Variants in HPGDS observed in about 807,000 individuals in gnomAD.
The protein encoded by HPGDS is hematopoietic prostaglandin D synthase.
In HPGDS, 26 loss-of-function variants were observed where a neutral mutation model predicts 23.1. The ratio of observed to expected loss-of-function variants is 1.13; its 90% CI spans 0.83 to 1.56. HPGDS has a LOEUF of 1.56. HPGDS is among the 40% of genes most tolerant of loss of function. The pLI, the probability that HPGDS is intolerant of heterozygous loss-of-function variation, is 0.00. For synonymous variants in HPGDS, 95 were observed against 77.9 expected, an observed-to-expected ratio of 1.22 and a Z score of -1.16; for missense variants, 268 against 236.4, an observed-to-expected ratio of 1.13 and a Z score of -0.88.
At chr4:94,318,838 G>A (rs1756448498) in intron 2 of HPGDS, among the ~76,000 whole-genome samples, 1 of 152,036 alleles carries the variant, frequency 6.6e-6, no homozygotes, top group South Asian at 2.1e-4. Context: ...TCAGCCTCCT[G>A]AGTAGCCAGG....
At chr4:94,328,034 A>C (rs755897146) in intron 2 of HPGDS, among the ~76,000 whole-genome samples, 8 of 152,188 alleles carry the variant, frequency 5.3e-5, no homozygotes, top group Non-Finnish European at 1.2e-4. Context: ...GGCACTCCCT[A>C]TCCTAGTCTC....
intron 1 of HPGDS, among the ~76,000 whole-genome samples, chr4:94,337,858 AAGAC>A (rs1035612358): frequency 6.6e-6 from 1 of 152,220 alleles, no homozygotes; most frequent in Non-Finnish European, 1.5e-5. Context: ...TCAAGTAAAG[AAGAC>A]ATTTAAAAAT....
chr4:94,314,451 G>A (rs1756350921), intron 3 of HPGDS, among the ~76,000 whole-genome samples: 1 of 152,196 alleles, frequency 6.6e-6, no homozygotes, highest in African/African-American at 2.4e-5. Flanking sequence ...CTGCAGAACA[G>A]CAAATATTGG....
In HPGDS at chr4:94,334,624, T is replaced by C. The variant is rs1406229119; in HGVS notation, c.6A>G (p.Pro2=). 4 of 1,612,658 alleles carry C rather than the reference T, an allele frequency of 2.5e-6. No homozygotes were observed. The highest frequency in any genetic ancestry group is 3.4e-6 in the Non-Finnish European group (4 of 1,179,608). M[P]NYKLTYFNMR... ...TATTAAAATAAGTGAGTTTGTAGTTTGGCATGGTGCAATTCTGGAAAAAGA... is the reference window on the plus strand; with the variant it reads ...TATTAAAATAAGTGAGTTTGTAGTTCGGCATGGTGCAATTCTGGAAAAAGA... The change falls in exon 2 of 6, where the codon CCA becomes CCG. Residue 2 remains proline (P), a synonymous_variant. Transcript: ENST00000295256.
At chr4:94,314,190 G>A (rs146260777) in intron 3 of HPGDS, among the ~76,000 whole-genome samples, 1,740 of 152,278 alleles carry the variant, frequency 0.011, 33 homozygotes, top group African/African-American at 0.039. Context: ...GAGGAGCTGC[G>A]TTCCTTTGGA....
intron 3 of HPGDS, 36 bp from the exon 4 acceptor site, chr4:94,308,779 T>G (rs1579428854): frequency 8.9e-7 from 1 of 1,122,174 alleles, no homozygotes; most frequent in African/African-American, 1.5e-5. Context: ...ATATGTTTAA[T>G]TTACTATATT....
chr4:94,310,312 G>T (rs985907336), intron 3 of HPGDS, among the ~76,000 whole-genome samples: 3 of 152,132 alleles, frequency 2.0e-5, no homozygotes, highest in Admixed American at 6.6e-5. Flanking sequence ...TTTGTATAAG[G>T]TGTAAGGAAG....
intron 2 of HPGDS, among the ~76,000 whole-genome samples, chr4:94,322,656 C>T (rs1012692158): frequency 6.6e-6 from 1 of 151,876 alleles, no homozygotes; most frequent in Admixed American, 6.6e-5. Context: ...TCTCTCTTTT[C>T]TTCTTTATTA....
At chr4:94,300,835 G>A (rs766139882) in intron 5 of HPGDS, among the ~76,000 whole-genome samples, 9 of 152,286 alleles carry the variant, frequency 5.9e-5, no homozygotes, top group South Asian at 4.1e-4. Context: ...AAGACCTGCA[G>A]TGAGCAATCT....
At chr4:94,311,456 G>A (rs985164773) in intron 3 of HPGDS, among the ~76,000 whole-genome samples, 1 of 151,290 alleles carries the variant, frequency 6.6e-6, no homozygotes, top group Non-Finnish European at 1.5e-5. Flanking sequence ...ATTTGCATAT[G>A]TTGAACCAGC....
At chr4:94,321,229 T>C (rs556686306) in intron 2 of HPGDS, among the ~76,000 whole-genome samples, 14 of 152,344 alleles carry the variant, frequency 9.2e-5, no homozygotes, top group South Asian at 4.1e-4. Flanking sequence ...TTGCTTAGGA[T>C]TGACTTGGCA....
At chr4:94,329,918 G>A (rs1756705799) in intron 2 of HPGDS, among the ~76,000 whole-genome samples, 1 of 152,224 alleles carries the variant, frequency 6.6e-6, no homozygotes, top group Non-Finnish European at 1.5e-5. Flanking sequence ...TCAATGTGAT[G>A]TGGCTGGCAA....
intron 3 of HPGDS, among the ~76,000 whole-genome samples, chr4:94,311,203 C>G (rs2126037584): frequency 6.6e-6 from 1 of 152,230 alleles, no homozygotes; most frequent in East Asian, 1.9e-4. Context: ...GAGGGCATCC[C>G]TGTCTTGTGC....
intron 1 of HPGDS, among the ~76,000 whole-genome samples, chr4:94,338,583 G>C (rs541405882): frequency 6.6e-6 from 1 of 152,136 alleles, no homozygotes; most frequent in South Asian, 2.1e-4. Context: ...AGCAATAGAA[G>C]AATACTTCCT....
At chr4:94,338,820 A>C (rs1721073995) in intron 1 of HPGDS, among the ~76,000 whole-genome samples, 1 of 152,224 alleles carries the variant, frequency 6.6e-6, no homozygotes, top group Non-Finnish European at 1.5e-5. Context: ...TGCTGTGTCC[A>C]AAATGATTGT....
chr4:94,324,532 T>G (rs189411229), intron 2 of HPGDS, among the ~76,000 whole-genome samples: 58 of 150,940 alleles, frequency 3.8e-4, no homozygotes, highest in Non-Finnish European at 7.2e-4. Flanking sequence ...TGATACCCTT[T>G]CTTCCACTTG....
chr4:94,339,028 T>C (rs946614644), intron 1 of HPGDS, among the ~76,000 whole-genome samples: 20 of 152,144 alleles, frequency 1.3e-4, no homozygotes, highest in African/African-American at 4.8e-4. Context: ...AAACAGAACC[T>C]CATATATAGG....
intron 5 of HPGDS, 41 bp downstream of exon 5, chr4:94,302,105 T>C (rs770338944): frequency 6.9e-7 from 1 of 1,458,502 alleles, no homozygotes; most frequent in Non-Finnish European, 9.6e-7. Context: ...TGGTTTGTCC[T>C]TTTATTTGCT....
At chr4:94,339,775 C>G (rs1003835008) in intron 1 of HPGDS, among the ~76,000 whole-genome samples, 1 of 151,994 alleles carries the variant, frequency 6.6e-6, no homozygotes, top group Non-Finnish European at 1.5e-5. Context: ...TTGTAGCTCC[C>G]ATAATTCCCA....
Sources: allele counts gnomAD v4.1 joint callset (sites outside exome capture counted in the v4.1 genomes callset), GRCh38; gene constraint gnomAD v4.1.1; transcripts MANE v1.5; gene names NCBI Gene and HGNC (gene_info 2026-07-23, HGNC 2026-07-21).